TMEFF1: variants seen among roughly 807,000 people sequenced by gnomAD.
The protein encoded by TMEFF1 is transmembrane protein with EGF like and two follistatin like domains 1.
Under a neutral mutation model 47.5 loss-of-function variants are expected in TMEFF1, and 20 were observed. That is an observed-to-expected ratio of 0.42 (90% confidence interval 0.30 to 0.61). TMEFF1 has a LOEUF of 0.61. TMEFF1 is among the 20% of genes least tolerant of loss of function. The pLI is 0.19. For synonymous variants in TMEFF1, 162 were observed against 166.3 expected, an observed-to-expected ratio of 0.97 and a Z score of 0.20; for missense variants, 411 against 471.1, an observed-to-expected ratio of 0.87 and a Z score of 1.18.
chr9:100,538,549 T>G (rs1838564155), intron 5 of TMEFF1, among the ~76,000 whole-genome samples: 1 of 152,248 alleles, frequency 6.6e-6, no homozygotes, highest in Admixed American at 6.5e-5. Context: ...CATGCTATAC[T>G]GCATTTTGCA....
intron 2 of TMEFF1, among the ~76,000 whole-genome samples, chr9:100,500,295 T>C (rs1158561954): frequency 1.3e-5 from 2 of 152,224 alleles, no homozygotes; most frequent in Non-Finnish European, 2.9e-5. Context: ...TTCTGAAATC[T>C]ATTTGTTACT....
In TMEFF1 at chr9:100,562,718, C is replaced by T. The variant is rs953393549; in HGVS notation, c.899+1198C>T. Among the ~76,000 whole-genome samples the T allele has an allele frequency of 4.6e-5, 7 of 151,688 alleles. No individual in the cohort carries two copies. In the East Asian group the frequency reaches 9.7e-4, roughly 21 times the overall value. ...TCGCCCAGACTGGAGTGCAGTGGTG[C>T]GATCTTGGCTCACTGCAACCTCGGC... is the stretch of plus-strand genomic sequence containing the variant. On this transcript the variant is annotated intron_variant, in intron 8 of 9. Coordinates refer to ENST00000374879, the MANE Select transcript of TMEFF1 (RefSeq NM_003692.5).
intron 1 of TMEFF1, among the ~76,000 whole-genome samples, chr9:100,482,485 A>T (rs924508219): frequency 6.6e-6 from 1 of 152,198 alleles, no homozygotes; most frequent in Non-Finnish European, 1.5e-5. Context: ...GGCGTGAGCC[A>T]CCACTCTGGC....
chr9:100,546,007 T>A (rs982599766), intron 5 of TMEFF1, among the ~76,000 whole-genome samples: 2 of 152,218 alleles, frequency 1.3e-5, no homozygotes, highest in Non-Finnish European at 2.9e-5. Context: ...AACCAGTCTC[T>A]AGGAAGTTCC....
intron 7 of TMEFF1, among the ~76,000 whole-genome samples, chr9:100,558,698 C>A (rs1214237792): frequency 6.6e-6 from 1 of 151,784 alleles, no homozygotes; most frequent in Admixed American, 6.6e-5. Flanking sequence ...AACAAAGATA[C>A]AATTTATAAC....
chr9:100,544,247 G>T (rs1838691829), intron 5 of TMEFF1, among the ~76,000 whole-genome samples: 1 of 152,032 alleles, frequency 6.6e-6, no homozygotes, highest in Admixed American at 6.5e-5. Context: ...TCACACTGCT[G>T]ATAAAGACAT....
rs1034802106 is a variant in TMEFF1, at chr9:100,576,830, C to A, written c.*230C>A. ...CACAAATTTGTACCACATGGTAATT[C>A]TAAGACTTGTTCTTTACCCATGGAA... On this transcript the variant is annotated 3_prime_UTR_variant, in exon 10 of 10. Transcript: ENST00000374879. 2.4e-6 allele frequency: 1 copy of A among 409,560 alleles called. No individual in the cohort carries two copies. Among genetic ancestry groups the A allele is most frequent in the African/African-American group, 2.0e-5 (1 of 48,796 alleles). 25.4% of individuals were successfully genotyped at this position (409,560 alleles called of 1,614,324 possible).
At chr9:100,525,597 A>G (rs1378528592) in intron 5 of TMEFF1, among the ~76,000 whole-genome samples, 1 of 151,266 alleles carries the variant, frequency 6.6e-6, no homozygotes, top group Non-Finnish European at 1.5e-5. Flanking sequence ...CTGAAGTTTT[A>G]TTATGTAATC....
At chr9:100,527,175 G>C (rs1253074151) in intron 5 of TMEFF1, among the ~76,000 whole-genome samples, 1 of 151,776 alleles carries the variant, frequency 6.6e-6, no homozygotes, top group East Asian at 1.9e-4. Flanking sequence ...TACTTTGAAA[G>C]ATTGGAATGG....
chr9:100,532,358 T>C (rs1317477903), intron 5 of TMEFF1, among the ~76,000 whole-genome samples: 4 of 152,090 alleles, frequency 2.6e-5, no homozygotes, highest in Non-Finnish European at 5.9e-5. Flanking sequence ...AAAGGGCTAA[T>C]ATCCAGAATC....
chr9:100,486,860 A>G (rs1837459890), intron 1 of TMEFF1, among the ~76,000 whole-genome samples: 1 of 152,052 alleles, frequency 6.6e-6, no homozygotes, highest in Non-Finnish European at 1.5e-5. Context: ...CTGGTCTCGA[A>G]CTCCTGGGCT....
At chr9:100,514,831 C>A (rs1308663682) in intron 4 of TMEFF1, among the ~76,000 whole-genome samples, 1 of 151,940 alleles carries the variant, frequency 6.6e-6, no homozygotes, top group Non-Finnish European at 1.5e-5. Context: ...CCCGTCTCTA[C>A]TAAAAATGCA....
chr9:100,567,679 A>G (rs755745948), intron 8 of TMEFF1, among the ~76,000 whole-genome samples: 2 of 152,164 alleles, frequency 1.3e-5, no homozygotes, highest in African/African-American at 4.8e-5. Context: ...ATGAAAATAG[A>G]AAGTGGAGGA....
At chr9:100,556,178 CTTGT>C (rs1411559099) in intron 7 of TMEFF1, among the ~76,000 whole-genome samples, 1 of 152,148 alleles carries the variant, frequency 6.6e-6, no homozygotes, top group Non-Finnish European at 1.5e-5. Flanking sequence ...CTTGTACTTA[CTTGT>C]TTGTTTTGCC....
chr9:100,546,040 C>T (rs1838725230), intron 5 of TMEFF1, among the ~76,000 whole-genome samples: 1 of 152,192 alleles, frequency 6.6e-6, no homozygotes, highest in Admixed American at 6.5e-5. Flanking sequence ...ATTTTCCTGA[C>T]TTCTGAGCCC....
intron 9 of TMEFF1, among the ~76,000 whole-genome samples, chr9:100,574,373 G>A (rs1839308024): frequency 6.6e-6 from 1 of 152,070 alleles, no homozygotes; most frequent in Non-Finnish European, 1.5e-5. Context: ...AAGGGGAGAT[G>A]TTTGAGGCCT....
In TMEFF1 at chr9:100,569,747, A is replaced by G. The variant is rs527569620; in HGVS notation, c.900-2771A>G. On this transcript the variant is annotated intron_variant, in intron 8 of 9. Coordinates refer to ENST00000374879, the MANE Select transcript of TMEFF1 (RefSeq NM_003692.5). ...ATATATATACATTGTGAAATGTCCAATCAAGCTGATTAACATATGCATTAC... is the reference window on the plus strand; with the variant it reads ...ATATATATACATTGTGAAATGTCCAGTCAAGCTGATTAACATATGCATTAC... Among the ~76,000 whole-genome samples, 21 of 152,342 alleles carry G rather than the reference A, an allele frequency of 1.4e-4. No individual in the cohort carries two copies. In the East Asian group the frequency reaches 3.3e-3, roughly 24 times the overall value.
intron 8 of TMEFF1, 113 bp downstream of exon 8, chr9:100,561,633 CAG>C (rs1587856526): frequency 1.5e-6 from 2 of 1,334,672 alleles, no homozygotes; most frequent in East Asian, 5.4e-5. Flanking sequence ...TGTTTATTTG[CAG>C]TAGACAAGTA....
chr9:100,572,718 A>T, intron 9 of TMEFF1, 42 bp downstream of exon 9: 1 of 1,565,682 alleles, frequency 6.4e-7, no homozygotes, highest in Non-Finnish European at 8.6e-7. Context: ...AATTAGAGGC[A>T]GGCAACTGTT....
Sources: gnomAD v4.1 joint callset for allele counts (sites outside exome capture counted in the v4.1 genomes callset) on GRCh38, gnomAD v4.1.1 for gene constraint, MANE v1.5 for transcripts, NCBI Gene and HGNC (gene_info 2026-07-23, HGNC 2026-07-21) for gene names.